The following PLOD1 variants were observed in gnomAD, a reference collection of about 807,000 sequenced individuals.
PLOD1 encodes the protein lysine hydroxylase.
In PLOD1, 70 loss-of-function variants were observed where a neutral mutation model predicts 94.7. The observed-to-expected ratio is 0.74, with a 90% CI of 0.61 to 0.90. PLOD1 has a LOEUF of 0.90. PLOD1 is among the 40% of genes least tolerant of loss of function. The pLI is 0.00. For synonymous variants in PLOD1, 417 were observed against 400.2 expected (o/e 1.04, Z -0.50); for missense variants, 905 against 972.7 (o/e 0.93, Z 0.93).
chr1:11,949,695 C>CCA, intron 2 of PLOD1, 78 bp from the exon 3 acceptor site: 1 of 1,489,938 alleles, frequency 6.7e-7, no homozygotes, highest in South Asian at 1.1e-5. Context: ...GCTGGGATTA[C>CCA]CAGCATGAGC....
intron 6 of PLOD1, among the ~76,000 whole-genome samples, chr1:11,955,530 A>G (rs1645732215): frequency 6.6e-6 from 1 of 152,172 alleles, no homozygotes; most frequent in Non-Finnish European, 1.5e-5. Flanking sequence ...CTCTGCTCCC[A>G]GAGAAACGCA....
intron 10 of PLOD1, among the ~76,000 whole-genome samples, chr1:11,962,240 C>T (rs532627299): frequency 1.4e-4 from 20 of 146,438 alleles, no homozygotes; most frequent in African/African-American, 4.8e-4. Context: ...ATGACCTTCA[C>T]ATAATTTTTA....
chr1:11,938,688 T>C (rs1404532359), intron 1 of PLOD1, among the ~76,000 whole-genome samples: 7 of 152,022 alleles, frequency 4.6e-5, no homozygotes, highest in Admixed American at 2.0e-4. Flanking sequence ...GGAAGGGGAT[T>C]TGCTGTGGAG....
intron 4 of PLOD1, among the ~76,000 whole-genome samples, chr1:11,952,326 G>A (rs1645708846): frequency 6.6e-6 from 1 of 152,218 alleles, no homozygotes; most frequent in South Asian, 2.1e-4. Context: ...GGGGCTCCTC[G>A]TACAATCCGT....
intron 2 of PLOD1, among the ~76,000 whole-genome samples, chr1:11,949,447 T>C (rs956421482): frequency 2.0e-5 from 3 of 151,644 alleles, no homozygotes; most frequent in African/African-American, 7.3e-5. Context: ...TGAGACGGAG[T>C]GTTGCTCTGT....
intron 1 of PLOD1, among the ~76,000 whole-genome samples, chr1:11,946,465 A>G (rs759201971): frequency 6.6e-6 from 1 of 152,214 alleles, no homozygotes; most frequent in African/African-American, 2.4e-5. Flanking sequence ...ATTGGTTCTA[A>G]GAGCCTCAAG....
chr1:11,965,354 T>G, intron 13 of PLOD1, 126 bp from the exon 14 acceptor site: 3 of 682,626 alleles, frequency 4.4e-6, no homozygotes, highest in Non-Finnish European at 8.0e-6. Flanking sequence ...TGGTCTCTGA[T>G]ATTGGGAACT....
intron 18 of PLOD1, among the ~76,000 whole-genome samples, chr1:11,973,377 G>A (rs777695998): frequency 3.9e-5 from 6 of 151,960 alleles, no homozygotes; most frequent in Non-Finnish European, 7.4e-5. Flanking sequence ...GCACACACCT[G>A]TAATCTTAGC....
chr1:11,944,754 C>G (rs998787760), intron 1 of PLOD1: 2 of 987,632 alleles, frequency 2.0e-6, no homozygotes, highest in Non-Finnish European at 2.7e-6. Flanking sequence ...CCTGCTGGGC[C>G]GCCTGGCGCC....
intron 12 of PLOD1, 38 bp downstream of exon 12, chr1:11,964,338 T>C: frequency 6.3e-7 from 1 of 1,578,796 alleles, no homozygotes; most frequent in Non-Finnish European, 8.7e-7. Context: ...GGGGGACACC[T>C]TCATCTGGCT....
chr1:11,934,988 T>C, intron 1 of PLOD1, 133 bp downstream of exon 1: 3 of 1,150,410 alleles, frequency 2.6e-6, no homozygotes, highest in Non-Finnish European at 3.6e-6. Flanking sequence ...CCTTGTCCAC[T>C]TAATCGCTGG....
In PLOD1 at chr1:11,970,699, C is replaced by T. The variant is rs771350321; in HGVS notation, c.1785C>T (p.Asn595=). The T allele has an allele frequency of 4.3e-6, 7 of 1,613,054 alleles. No homozygotes were observed. Among genetic ancestry groups the T allele is most frequent in the African/African-American group, 4.0e-5 (3 of 74,684 alleles). The change falls in exon 17 of 19, where the codon AAC becomes AAT. Residue 595 remains asparagine (N), a synonymous_variant. Transcript: ENST00000196061. ...KDNRIQGGYE[N]VPTIDIHMNQ... The stretch of plus-strand genomic sequence containing the variant: ...ACCGCATCCAGGGTGGCTACGAGAA[C>T]GTGCCGACTATTGACATCCACATGA...
chr1:11,958,757 C>A lies in PLOD1; in HGVS notation c.975+110C>A. Reference sequence around the variant, plus strand: ...CTCACCGAATCTAGCTTATCTGGGCCAAATGACAATCACCAGTGGACTGTG... The same window carrying A: ...CTCACCGAATCTAGCTTATCTGGGCAAAATGACAATCACCAGTGGACTGTG... On this transcript the variant is annotated intron_variant, in intron 9 of 18. Transcript: ENST00000196061. This position sits in a 1 kb window ranked among gnomAD's most constrained non-coding sequence, Gnocchi z 4.3. 2 of 1,283,122 alleles carry A rather than the reference C, an allele frequency of 1.6e-6. No individual in the cohort carries two copies. Among genetic ancestry groups the A allele is most frequent in the Non-Finnish European group, 2.2e-6 (2 of 903,280 alleles). The allele number at this position is 1,283,122 out of a possible 1,614,324, so 79.5% of individuals were successfully genotyped here.
chr1:11,960,132 C>T (rs540079116), intron 9 of PLOD1, among the ~76,000 whole-genome samples: 17 of 151,922 alleles, frequency 1.1e-4, no homozygotes, highest in African/African-American at 3.6e-4. Flanking sequence ...CCACCATGCC[C>T]GGCTAATTTT....
intron 18 of PLOD1, among the ~76,000 whole-genome samples, chr1:11,973,268 G>A (rs1645879465): frequency 6.6e-6 from 1 of 152,214 alleles, no homozygotes; most frequent in Non-Finnish European, 1.5e-5. Context: ...GGGAGGCCAA[G>A]GCAGGCAGAT....
At chr1:11,966,129 AGGTGAACACCTG>A in intron 14 of PLOD1, 110 bp from the exon 15 acceptor site, 1 of 749,424 alleles carries the variant, frequency 1.3e-6, no homozygotes, top group South Asian at 1.5e-5. Context: ...CAGTGGGTGC[AGGTGAACACCTG>A]CCTCTGTCAA....
intron 17 of PLOD1, 87 bp downstream of exon 17, chr1:11,970,903 G>A: frequency 2.1e-6 from 2 of 955,508 alleles, no homozygotes; most frequent in Admixed American, 4.5e-5. Context: ...GGTAGGGTGG[G>A]AGGTGGAGAA....
At chr1:11,973,465 A>G (rs1476312721) in intron 18 of PLOD1, among the ~76,000 whole-genome samples, 1 of 152,028 alleles carries the variant, frequency 6.6e-6, no homozygotes, top group African/African-American at 2.4e-5. Context: ...ATGCCACTGC[A>G]CTCCAGCCTG....
chr1:11,966,558 G>C, intron 15 of PLOD1: 1 of 562,446 alleles, frequency 1.8e-6, no homozygotes, highest in East Asian at 3.3e-5. Context: ...CCCTCTACCT[G>C]TTGGCACTTT....
Sources: gnomAD v4.1 joint callset for allele counts (sites outside exome capture counted in the v4.1 genomes callset) on GRCh38, gnomAD v4.1.1 for gene constraint, Gnocchi (gnomAD v3.1) non-coding constraint, MANE v1.5 for transcripts, NCBI Gene and HGNC (gene_info 2026-07-23, HGNC 2026-07-21) for gene names.